Variants in ZNF215 observed in about 807,000 individuals in gnomAD.
ZNF215 encodes the protein BWSCR2-associated zinc finger protein 2.
Under a neutral mutation model 27.2 loss-of-function variants are expected in ZNF215, and 24 were observed. The observed-to-expected ratio is 0.88, with a 90% confidence interval of 0.64 to 1.24. The LOEUF is 1.24. ZNF215 is among the 50% of genes most tolerant of loss of function. The probability of loss-of-function intolerance (pLI) is 0.00; values close to 1 mark genes in which losing one functional copy is unlikely to be tolerated. For synonymous variants in ZNF215, 210 were observed against 204.0 expected (o/e 1.03, Z -0.25); for missense variants, 675 against 605.7 (o/e 1.11, Z -1.20).
intron 3 of ZNF215, among the ~76,000 whole-genome samples, chr11:6,936,236 AC>A (rs1849430823): frequency 6.6e-6 from 1 of 152,056 alleles, no homozygotes; most frequent in East Asian, 1.9e-4. Flanking sequence ...GATCAGCAAA[AC>A]TGACAAAGGT....
At chr11:6,945,557 C>G (rs556625272) in intron 6 of ZNF215, among the ~76,000 whole-genome samples, 5 of 152,322 alleles carry the variant, frequency 3.3e-5, no homozygotes, top group African/African-American at 9.6e-5. Flanking sequence ...CTTCATGTAG[C>G]TAACTCCAAT....
rs777061124 is a variant in ZNF215, at chr11:6,955,943, A to C, written c.966A>C (p.Gln322His). The change falls in exon 7 of 7, where the codon CAA becomes CAC. Residue 322 changes from glutamine to histidine, a missense_variant. Transcript: ENST00000278319. ...INSVSSICAI[Q>H]VGIPSRKGSP... ...CAGTTAGCTCAATTTGTGCTATACAAGTGGGAATTCCTTCAAGAAAGGGGT... is the reference window on the plus strand; with the variant it reads ...CAGTTAGCTCAATTTGTGCTATACACGTGGGAATTCCTTCAAGAAAGGGGT... 1 of 1,613,210 alleles carries C rather than the reference A, an allele frequency of 6.2e-7. No homozygotes were observed. Among genetic ancestry groups the C allele is most frequent in the Non-Finnish European group, 8.5e-7 (1 of 1,179,780 alleles).
intron 6 of ZNF215, among the ~76,000 whole-genome samples, chr11:6,944,252 G>A (rs1849739097): frequency 6.6e-6 from 1 of 152,064 alleles, no homozygotes; most frequent in South Asian, 2.1e-4. Flanking sequence ...CTCCAGCCTG[G>A]GCAACAGAGA....
chr11:6,970,621 T>C (rs1850700807), intron 5 of ZNF215, among the ~76,000 whole-genome samples: 1 of 152,194 alleles, frequency 6.6e-6, no homozygotes, highest in East Asian at 1.9e-4. Flanking sequence ...AATGACAAAT[T>C]ATTGACATTA....
At chr11:6,983,124 A>G (rs1349711323) in intron 5 of ZNF215, among the ~76,000 whole-genome samples, 2 of 152,314 alleles carry the variant, frequency 1.3e-5, no homozygotes, top group East Asian at 1.9e-4. Context: ...AGAATACTAC[A>G]AACACCTCCA....
intron 5 of ZNF215, among the ~76,000 whole-genome samples, chr11:6,971,907 T>C (rs933097720): frequency 1.3e-5 from 2 of 152,092 alleles, no homozygotes; most frequent in Non-Finnish European, 2.9e-5. Flanking sequence ...AACTGGAAAA[T>C]GTTATAGAGT....
At chr11:6,958,151 A>G (rs948742687), downstream of ZNF215, 18 of 841,670 alleles carry the variant, frequency 2.1e-5, no homozygotes, top group Admixed American at 6.2e-4. Flanking sequence ...CTTGTAGAGA[A>G]GCCTAACAAG....
In ZNF215 at chr11:6,956,341, T is replaced by A. The variant is rs775515974; in HGVS notation, c.1364T>A (p.Leu455His). 9 of 1,614,114 alleles carry A rather than the reference T, an allele frequency of 5.6e-6. No homozygotes were observed. In the Admixed American group the frequency reaches 8.3e-5, roughly 15 times the overall value. ...AGTGAAGACAGTAATAATCCAACACTCCATTTTGGAAACAATTTCTATCAA... is the reference window on the plus strand; with the variant it reads ...AGTGAAGACAGTAATAATCCAACACACCATTTTGGAAACAATTTCTATCAA... ...SKSEDSNNPT[L>H]HFGNNFYQCV... The change falls in exon 7 of 7, where the codon CTC (leucine) becomes CAC (histidine). Residue 455 changes from leucine (L) to histidine (H), a missense_variant. Physicochemically the swap from Leu to His is moderately conservative, Grantham distance 99. Coordinates refer to ENST00000278319, the MANE Select transcript of ZNF215 (RefSeq NM_013250.4).
intron 2 of ZNF215, among the ~76,000 whole-genome samples, chr11:6,931,017 C>G (rs1849238261): frequency 6.6e-6 from 1 of 152,156 alleles, no homozygotes; most frequent in Non-Finnish European, 1.5e-5. Flanking sequence ...CTTTGACTTC[C>G]TAGAGGCCAG....
chr11:6,957,766 G>C lies in ZNF215; in HGVS notation c.*1235G>C. On this transcript the variant is annotated 3_prime_UTR_variant, in exon 7 of 7. Coordinates refer to ENST00000278319, the MANE Select transcript of ZNF215 (RefSeq NM_013250.4). ...ACTGTACCTTTGGGAATTTAGGCTG[G>C]AGAGACGTCCATAGCCTTAGGTATA... The C allele has an allele frequency of 1.0e-5, 10 of 985,370 alleles. No individual in the cohort carries two copies. The highest frequency in any genetic ancestry group is 1.2e-5 in the Non-Finnish European group (10 of 829,926). The allele number at this position is 985,370 out of a possible 1,614,324, so 61.0% of individuals were successfully genotyped here.
chr11:6,972,430 A>G (rs964644024), intron 5 of ZNF215, among the ~76,000 whole-genome samples: 3 of 150,516 alleles, frequency 2.0e-5, no homozygotes, highest in African/African-American at 7.3e-5. Flanking sequence ...TTTAACCAAT[A>G]TTGTAGCAGT....
chr11:6,980,672 A>G (rs939610052), intron 5 of ZNF215, among the ~76,000 whole-genome samples: 6 of 151,562 alleles, frequency 4.0e-5, no homozygotes, highest in Admixed American at 2.0e-4. Flanking sequence ...GGTTAGTTAC[A>G]TATGTATACA....
intron 6 of ZNF215, among the ~76,000 whole-genome samples, chr11:6,994,051 T>C (rs1270087394): frequency 6.6e-6 from 1 of 152,196 alleles, no homozygotes; most frequent in Non-Finnish European, 1.5e-5. Flanking sequence ...TGCTGTCTAG[T>C]GTTCCTAAGT....
chr11:6,936,199 C>T (rs1590048690), intron 3 of ZNF215, among the ~76,000 whole-genome samples: 1 of 151,830 alleles, frequency 6.6e-6, no homozygotes, highest in Non-Finnish European at 1.5e-5. Flanking sequence ...ATAGAACCAA[C>T]AAAACTGAAA....
chr11:6,970,976 T>TG (rs1254416516), intron 5 of ZNF215, among the ~76,000 whole-genome samples: 1 of 152,134 alleles, frequency 6.6e-6, no homozygotes, highest in East Asian at 1.9e-4. Flanking sequence ...GGTAGAACAA[T>TG]AACCAGAGCA....
intron 6 of ZNF215, among the ~76,000 whole-genome samples, chr11:6,953,522 C>T (rs200597906): frequency 6.6e-5 from 10 of 152,282 alleles, no homozygotes; most frequent in East Asian, 3.9e-4. Flanking sequence ...TCCAGTTGAT[C>T]GCATCAGCTC....
intron 6 of ZNF215, among the ~76,000 whole-genome samples, chr11:6,949,738 C>T (rs934886717): frequency 1.3e-5 from 2 of 152,134 alleles, no homozygotes; most frequent in Admixed American, 6.6e-5. Flanking sequence ...TTAGTTTAAT[C>T]AGATCCCATT....
intron 5 of ZNF215, among the ~76,000 whole-genome samples, chr11:6,979,785 A>G (rs955065898): frequency 7.2e-5 from 11 of 152,136 alleles, no homozygotes; most frequent in African/African-American, 1.9e-4. Flanking sequence ...GTAATGACTT[A>G]TAAAGTATTG....
At chr11:6,944,928 AC>A (rs1849763687) in intron 6 of ZNF215, among the ~76,000 whole-genome samples, 1 of 152,116 alleles carries the variant, frequency 6.6e-6, no homozygotes, top group Admixed American at 6.5e-5. Context: ...AATACATTTA[AC>A]CATTCCCCCT....
Sources: gnomAD v4.1 joint callset for allele counts (sites outside exome capture counted in the v4.1 genomes callset) on GRCh38, gnomAD v4.1.1 for gene constraint, MANE v1.5 for transcripts, NCBI Gene and HGNC (gene_info 2026-07-23, HGNC 2026-07-21) for gene names.